The following IGSF21 variants were observed in gnomAD, a reference collection of about 807,000 sequenced individuals.
The protein encoded by IGSF21 is immunoglobulin superfamily member 21.
A neutral mutation model predicts 46.8 loss-of-function variants in IGSF21; 28 were observed. The observed-to-expected ratio is 0.60, with a 90% CI of 0.44 to 0.82. The LOEUF (loss-of-function observed/expected upper bound fraction) is 0.82. IGSF21 is among the 40% of genes least tolerant of loss of function. The probability of loss-of-function intolerance (pLI) is 0.00; values close to 1 mark genes in which losing one functional copy is unlikely to be tolerated. For missense variants in IGSF21, 624 were observed against 665.5 expected (o/e 0.94, Z 0.69); for synonymous variants, 284 against 273.6 (o/e 1.04, Z -0.38).
At position 18,377,037 on chromosome 1, in the gene IGSF21, G is replaced by A. The variant is rs189132496; in HGVS notation, c.1294+45G>A. The A allele has an allele frequency of 6.3e-5, 97 of 1,544,196 alleles. 1 individual carries two copies. The highest frequency in any genetic ancestry group is 3.8e-5 in the Admixed American group (2 of 52,436). Reference sequence around the variant, plus strand: ...GGACTGGGAGAACAACCACAGGGGCGGGTCCTGTCTGGGAGGTTTCCCCAG... The same window carrying A: ...GGACTGGGAGAACAACCACAGGGGCAGGTCCTGTCTGGGAGGTTTCCCCAG... On this transcript the variant is annotated intron_variant, in intron 8 of 9. Transcript: ENST00000251296.
At chr1:18,234,807 G>C (rs1486115633) in intron 2 of IGSF21, among the ~76,000 whole-genome samples, 2 of 151,728 alleles carry the variant, frequency 1.3e-5, no homozygotes, top group Non-Finnish European at 2.9e-5. Context: ...GATTTGGGTG[G>C]GGGCACAGCC....
At chr1:18,136,715 G>C (rs2086370474) in intron 1 of IGSF21, among the ~76,000 whole-genome samples, 1 of 152,076 alleles carries the variant, frequency 6.6e-6, no homozygotes, top group Non-Finnish European at 1.5e-5. Flanking sequence ...TGTTCTTTTG[G>C]CTTAGGATTG....
chr1:18,264,031 TA>T (rs1234443441), intron 2 of IGSF21, among the ~76,000 whole-genome samples: 1 of 152,206 alleles, frequency 6.6e-6, no homozygotes, highest in Non-Finnish European at 1.5e-5. Flanking sequence ...CTGGAGACTG[TA>T]ATATTATTAG....
At chr1:18,197,255 A>C (rs1024789069) in intron 1 of IGSF21, among the ~76,000 whole-genome samples, 4 of 152,158 alleles carry the variant, frequency 2.6e-5, no homozygotes, top group African/African-American at 9.7e-5. Flanking sequence ...AGAGCAGAGA[A>C]GCCTGGTGCT....
chr1:18,286,287 G>A (rs1325696272), intron 2 of IGSF21, among the ~76,000 whole-genome samples: 2 of 152,200 alleles, frequency 1.3e-5, no homozygotes, highest in Non-Finnish European at 2.9e-5. Context: ...TGCAAATGGG[G>A]ATCATGACAC....
chr1:18,228,466 T>A (rs956378187), intron 2 of IGSF21, among the ~76,000 whole-genome samples: 1 of 152,194 alleles, frequency 6.6e-6, no homozygotes, highest in African/African-American at 2.4e-5. Flanking sequence ...CGTATAGGAC[T>A]AATCCTGGTG....
At chr1:18,273,460 CTCTCTTTCTTTCTT>C (rs2085067533) in intron 2 of IGSF21, among the ~76,000 whole-genome samples, 6 of 56,412 alleles carry the variant, frequency 1.1e-4, no homozygotes, top group African/African-American at 5.1e-4. Flanking sequence ...CTTTCTTTCT[CTCTCTTTCTTTCTT>C]TCTTTCTTTC....
At chr1:18,345,139 T>G (rs2085880116) in intron 4 of IGSF21, among the ~76,000 whole-genome samples, 1 of 152,184 alleles carries the variant, frequency 6.6e-6, no homozygotes. Context: ...TCCCTCTGCC[T>G]GCACTCCTTC....
intron 1 of IGSF21, among the ~76,000 whole-genome samples, chr1:18,124,249 A>G (rs944482150): frequency 2.0e-5 from 3 of 152,234 alleles, no homozygotes; most frequent in Non-Finnish European, 4.4e-5. Context: ...AAGTGATAAC[A>G]GTAGCAAATG....
chr1:18,164,736 AT>A (rs1214848013), intron 1 of IGSF21, among the ~76,000 whole-genome samples: 1 of 151,344 alleles, frequency 6.6e-6, no homozygotes, highest in Non-Finnish European at 1.5e-5. Flanking sequence ...TCTTTTATAT[AT>A]ATATATATTT....
In IGSF21 at chr1:18,376,837, G is replaced by A. The variant is rs201284891; in HGVS notation, c.1139G>A (p.Arg380Gln). The change falls in exon 8 of 10, where the codon CGG becomes CAG. Residue 380 changes from arginine to glutamine, a missense_variant. Physicochemically the swap from Arg to Gln is conservative, Grantham distance 43. Coordinates refer to ENST00000251296, the MANE Select transcript of IGSF21 (RefSeq NM_032880.5). ...CCGGAGCCCATGTTCACGTGGACGC[G>A]GGTTGGGAGCCGCCTCCTGGACGGC... ...VFPEPMFTWT[R>Q]VGSRLLDGSA... The A allele has an allele frequency of 1.4e-5, 22 of 1,605,848 alleles. No homozygotes were observed. The highest frequency in any genetic ancestry group is 3.3e-5 in the Admixed American group (2 of 59,790).
intron 2 of IGSF21, among the ~76,000 whole-genome samples, chr1:18,238,175 G>A (rs1341306): frequency 0.16 from 24,911 of 152,094 alleles, 4,551 homozygotes; most frequent in African/African-American, 0.41. Context: ...AATGTGTAGG[G>A]CATCTCATTA....
intron 3 of IGSF21, among the ~76,000 whole-genome samples, chr1:18,305,389 GGATGGATGGATAATGGATGGAT>G (rs1221381383): frequency 1.7e-4 from 25 of 151,280 alleles, no homozygotes; most frequent in African/African-American, 6.1e-4. Context: ...ATGCATGGAT[GGATGGATGGATAATGGATGGAT>G]GATGGATGGA....
In IGSF21 at chr1:18,188,994, G is replaced by A. The variant is rs540818085; in HGVS notation, c.71-38904G>A. Among the ~76,000 whole-genome samples the A allele has an allele frequency of 1.9e-3, 282 of 152,300 alleles. 1 individual carries two copies. The highest frequency in any genetic ancestry group is 3.6e-3 in the Non-Finnish European group (244 of 68,034). On this transcript the variant is annotated intron_variant, in intron 1 of 9. Transcript: ENST00000251296. ...GAGGATCCTTGTGAGAGTCAGAGAT[G>A]AGCTGGCACTGCCCCTGGGCTCACC...
intron 2 of IGSF21, among the ~76,000 whole-genome samples, chr1:18,235,676 C>T (rs1047597271): frequency 2.6e-5 from 4 of 152,202 alleles, no homozygotes; most frequent in African/African-American, 9.6e-5. Context: ...AGAGACCGTT[C>T]ATACCAGGCC....
chr1:18,331,135 G>C lies in IGSF21; in HGVS notation c.306-3757G>C, dbSNP rs112296865. Among the ~76,000 whole-genome samples the C allele has an allele frequency of 2.8e-3, 431 of 152,120 alleles. 1 individual carries two copies. Among genetic ancestry groups the C allele is most frequent in the African/African-American group, 9.8e-3 (405 of 41,488 alleles). On this transcript the variant is annotated intron_variant, in intron 3 of 9. Transcript: ENST00000251296. ...ATTTTATTTTATTTTATTTCCATAG[G>C]TTATTGGGGAACAGGTAGTGTTTGG... is the stretch of plus-strand genomic sequence containing the variant.
Position 18,202,179 on chromosome 1 carries a change from G to A in IGSF21, c.71-25719G>A, listed in dbSNP as rs369942142. 2.9e-3 allele frequency among the ~76,000 whole-genome samples: 435 copies of A among 152,242 alleles called. 20 individuals carry two copies. In the South Asian group the frequency reaches 0.081, roughly 28 times the overall value. ...CCTAATGTCAATTTTCCCCTGATGA[G>A]AATAAGGCTGTAAACACCCATATTT... On this transcript the variant is annotated intron_variant, in intron 1 of 9. Coordinates refer to ENST00000251296, the MANE Select transcript of IGSF21 (RefSeq NM_032880.5).
At chr1:18,344,971 A>C (rs1301315562) in intron 4 of IGSF21, among the ~76,000 whole-genome samples, 1 of 152,240 alleles carries the variant, frequency 6.6e-6, no homozygotes, top group Non-Finnish European at 1.5e-5. Context: ...GCTGGGATCC[A>C]GGCCAGAGCT....
At chr1:18,367,731 C>T (rs535016654) in intron 6 of IGSF21, among the ~76,000 whole-genome samples, 1 of 150,958 alleles carries the variant, frequency 6.6e-6, no homozygotes, top group South Asian at 2.1e-4. Flanking sequence ...CTCAGTCTCT[C>T]AAGTAGCTGG....
Sources: gnomAD v4.1 joint callset for allele counts (sites outside exome capture counted in the v4.1 genomes callset) on GRCh38, gnomAD v4.1.1 for gene constraint, MANE v1.5 for transcripts, NCBI Gene and HGNC (gene_info 2026-07-23, HGNC 2026-07-21) for gene names.